Variants in UBE2B observed in about 807,000 individuals in gnomAD.
The protein encoded by UBE2B is ubiquitin conjugating enzyme E2 B.
In UBE2B, 11 loss-of-function variants were observed where a neutral mutation model predicts 24.6. The observed-to-expected ratio is 0.45, with a 90% confidence interval of 0.28 to 0.74. The LOEUF (loss-of-function observed/expected upper bound fraction) is 0.74. Among genes scored for constraint, UBE2B ranks in the 30% least tolerant of loss-of-function variants. The pLI is 0.13. For synonymous variants in UBE2B, 68 were observed against 62.4 expected (o/e 1.09, Z -0.42); for missense variants, 78 against 185.6 (o/e 0.42, Z 3.37).
At chr5:134,383,124 C>A (rs896252478) in intron 4 of UBE2B, among the ~76,000 whole-genome samples, 22 of 152,078 alleles carry the variant, frequency 1.4e-4, no homozygotes, top group Non-Finnish European at 2.9e-4. Flanking sequence ...AAGATCGCGC[C>A]ACTGCACTCC....
rs1176500916 is a variant in UBE2B, at chr5:134,376,322, CAAAAA to C, written c.126-324_126-320del. Among the ~76,000 whole-genome samples, 62 of 7,458 alleles carry C rather than the reference CAAAAA, an allele frequency of 8.3e-3. 6 individuals carry two copies. In the South Asian group the frequency reaches 0.15, roughly 18 times the overall value. 4.9% of individuals were successfully genotyped at this position (7,458 alleles called of 152,430 possible). A position where few individuals can be genotyped will look rare whatever the true frequency, so the allele number is the denominator to read the frequency against. ...GGGGGACAAGAGCAAAACTCCGTCT[CAAAAA>C]AAAAAAAAAAAAAAAAAAAAAATAT... is the stretch of plus-strand genomic sequence containing the variant. On this transcript the variant is annotated intron_variant, in intron 2 of 5. Coordinates refer to ENST00000265339, the MANE Select transcript of UBE2B (RefSeq NM_003337.4).
In UBE2B at chr5:134,379,182, A is replaced by G. The variant is rs138305363; in HGVS notation, c.152-1537A>G. Among the ~76,000 whole-genome samples, 39 of 152,316 alleles carry G rather than the reference A, an allele frequency of 2.6e-4. No homozygotes were observed. The East Asian group carries it at 6.9e-3, about 27-fold the overall frequency. On this transcript the variant is annotated intron_variant, in intron 3 of 5. Transcript: ENST00000265339. ...CATGAATAATAATACAAAACCATGA[A>G]TGGGTAAAACACGTATGTGAAGTGA...
chr5:134,377,682 A>G (rs1758632204), intron 3 of UBE2B, among the ~76,000 whole-genome samples: 1 of 152,034 alleles, frequency 6.6e-6, no homozygotes, highest in Admixed American at 6.6e-5. Context: ...AGGGTTCTCA[A>G]GTGTGTGATC....
At chr5:134,372,860 T>C (rs1034043472) in intron 1 of UBE2B, among the ~76,000 whole-genome samples, 10 of 152,226 alleles carry the variant, frequency 6.6e-5, no homozygotes, top group Non-Finnish European at 1.3e-4. Context: ...GTAGCATTTT[T>C]AATTGAGGTT....
In UBE2B at chr5:134,371,644, G is replaced by A; in HGVS notation, c.44+5G>A. On this transcript the variant is annotated splice_donor_5th_base_variant and intron_variant, in intron 1 of 5. Coordinates refer to ENST00000265339, the MANE Select transcript of UBE2B (RefSeq NM_003337.4). ...GCTCATGCGGGATTTCAAGCGGTAA[G>A]GGCCTTCACCTTCGCCTAGATGACG... 1 of 1,613,414 alleles carries A rather than the reference G, an allele frequency of 6.2e-7. No homozygotes were observed. The highest frequency in any genetic ancestry group is 8.5e-7 in the Non-Finnish European group (1 of 1,179,876).
At position 134,390,256 on chromosome 5, in the gene UBE2B, C is replaced by T; in HGVS notation, c.362C>T (p.Pro121Leu). 6.2e-7 allele frequency: 1 copy of T among 1,613,938 alleles called. No homozygotes were observed. Among genetic ancestry groups the T allele is most frequent in the Non-Finnish European group, 8.5e-7 (1 of 1,179,972 alleles). Residue 121 changes from proline (P) to leucine (L), a missense_variant, in exon 6 of 6, where the codon CCA becomes CTA. Physicochemically the swap from Pro to Leu is moderately conservative, Grantham distance 98 (BLOSUM62 -3). This residue lies in a region of UBE2B where 57 missense variants were observed against 167.7 expected (regional missense o/e 0.34). Coordinates refer to ENST00000265339, the MANE Select transcript of UBE2B (RefSeq NM_003337.4). This position sits in a 1 kb window ranked among gnomAD's most constrained non-coding sequence, Gnocchi z 4.6. ...SLLDEPNPNSPANSQAAQLYQ... is the reference protein window; with the variant it reads ...SLLDEPNPNSLANSQAAQLYQ... ...CTGGATGAACCGAATCCTAACAGTC[C>T]AGCCAATAGCCAGGCAGCACAGCTT...
chr5:134,376,806 T>A, intron 3 of UBE2B, 112 bp downstream of exon 3: 1 of 1,064,824 alleles, frequency 9.4e-7, no homozygotes, highest in Non-Finnish European at 1.4e-6. Flanking sequence ...TAGGCCAAGT[T>A]AAAAGTAAAG....
chr5:134,375,914 C>G (rs1308680392), intron 2 of UBE2B, among the ~76,000 whole-genome samples: 2 of 151,050 alleles, frequency 1.3e-5, no homozygotes, highest in Non-Finnish European at 2.9e-5. Context: ...GACAACTATG[C>G]TTAGCCTATT....
intron 4 of UBE2B, 146 bp downstream of exon 4, chr5:134,380,954 G>GGTTTTTTTT (rs1561681088): frequency 4.6e-6 from 1 of 218,358 alleles, no homozygotes; most frequent in Non-Finnish European, 8.4e-6. Flanking sequence ...TTTTGTTGTG[G>GGTTTTTTTT]ATTTTTTTTT....
chr5:134,382,603 G>A (rs995367624), intron 4 of UBE2B, among the ~76,000 whole-genome samples: 1 of 151,916 alleles, frequency 6.6e-6, no homozygotes, highest in Non-Finnish European at 1.5e-5. Flanking sequence ...GTGAAACCCT[G>A]TCTCTACAAA....
intron 3 of UBE2B, among the ~76,000 whole-genome samples, chr5:134,377,958 C>T (rs950024781): frequency 2.0e-5 from 3 of 152,156 alleles, no homozygotes; most frequent in African/African-American, 4.8e-5. Flanking sequence ...CTTTGGGAGG[C>T]TTAGGCAGGT....
intron 4 of UBE2B, among the ~76,000 whole-genome samples, chr5:134,387,491 C>G (rs1201495388): frequency 6.6e-6 from 1 of 152,184 alleles, no homozygotes; most frequent in Non-Finnish European, 1.5e-5. Flanking sequence ...AGTTCATTTT[C>G]TGCTACAACA....
rs1419063377 is a variant in UBE2B, at chr5:134,371,589, G to A, written c.-7G>A. The A allele has an allele frequency of 2.8e-5, 45 of 1,612,524 alleles. No homozygotes were observed. The highest frequency in any genetic ancestry group is 3.6e-5 in the Non-Finnish European group (43 of 1,179,774). On this transcript the variant is annotated 5_prime_UTR_variant, in exon 1 of 6. Transcript: ENST00000265339. ...TTTTCAGACTGACCGCGGGGCAGCT[G>A]CGGAGCATGTCGACCCCGGCCCGGA...
intron 4 of UBE2B, among the ~76,000 whole-genome samples, chr5:134,383,345 T>G (rs1758741396): frequency 6.6e-6 from 1 of 152,092 alleles, no homozygotes; most frequent in Admixed American, 6.6e-5. Flanking sequence ...ACACTTGCTG[T>G]GTCACACAGG....
At chr5:134,382,273 C>T (rs1160195994) in intron 4 of UBE2B, among the ~76,000 whole-genome samples, 1 of 150,924 alleles carries the variant, frequency 6.6e-6, no homozygotes, top group Non-Finnish European at 1.5e-5. Context: ...GGCAACATAG[C>T]GAGGTCCCAT....
At chr5:134,377,192 G>A (rs1314707265) in intron 3 of UBE2B, among the ~76,000 whole-genome samples, 2 of 152,170 alleles carry the variant, frequency 1.3e-5, no homozygotes, top group Non-Finnish European at 2.9e-5. Flanking sequence ...AGGAAAATGG[G>A]AAACTAGTTC....
Position 134,390,458 on chromosome 5 carries a change from G to A in UBE2B, c.*105G>A. The A allele has an allele frequency of 1.7e-5, 24 of 1,392,714 alleles. No individual in the cohort carries two copies. Among genetic ancestry groups the A allele is most frequent in the Admixed American group, 1.5e-4 (7 of 45,532 alleles). 86.3% of individuals were successfully genotyped at this position (1,392,714 alleles called of 1,614,324 possible). On this transcript the variant is annotated 3_prime_UTR_variant, in exon 6 of 6. Coordinates refer to ENST00000265339, the MANE Select transcript of UBE2B (RefSeq NM_003337.4). The surrounding 1 kb of genome is among the most constrained non-coding windows in gnomAD (Gnocchi z 4.6). ...TGCCACAGGTTTTAAGGATTCTGCAGAAAAAAAAGAAAAAAGTCCTTCAGT... is the reference window on the plus strand; with the variant it reads ...TGCCACAGGTTTTAAGGATTCTGCAAAAAAAAAAGAAAAAAGTCCTTCAGT...
At chr5:134,381,898 CACA>C (rs749536765) in intron 4 of UBE2B, among the ~76,000 whole-genome samples, 2 of 152,090 alleles carry the variant, frequency 1.3e-5, no homozygotes, top group Non-Finnish European at 2.9e-5. Context: ...GAGCTGAGCT[CACA>C]ACACTGCACT....
chr5:134,386,051 G>T (rs1467909356), intron 4 of UBE2B, among the ~76,000 whole-genome samples: 2 of 151,112 alleles, frequency 1.3e-5, no homozygotes, highest in African/African-American at 4.9e-5. Context: ...TCTGCTGGGG[G>T]CGCTGTGGCT....
Sources: allele counts gnomAD v4.1 joint callset (sites outside exome capture counted in the v4.1 genomes callset), GRCh38; gene constraint gnomAD v4.1.1; regional missense constraint gnomAD v4.1.1; non-coding constraint Gnocchi (gnomAD v3.1); transcripts MANE v1.5; gene names NCBI Gene and HGNC (gene_info 2026-07-23, HGNC 2026-07-21).